Variants in LAMA2 observed in about 807,000 individuals in gnomAD.
The protein encoded by LAMA2 is laminin subunit alpha 2.
Under a neutral mutation model 364.8 loss-of-function variants are expected in LAMA2, and 269 were observed. That is an observed-to-expected ratio of 0.74 (90% CI 0.67 to 0.82). LAMA2 has a LOEUF of 0.82. Ranked by LOEUF, LAMA2 falls within the 40% of genes least tolerant of loss-of-function variation. LAMA2 has a pLI of 0.00. For synonymous variants in LAMA2, 1,379 were observed against 1,370.6 expected, an observed-to-expected ratio of 1.01 and a Z score of -0.14; for missense variants, 3,807 against 3,873.2, an observed-to-expected ratio of 0.98 and a Z score of 0.45.
At chr6:129,401,082 T>G in intron 37 of LAMA2, 142 bp from the exon 38 acceptor site, 4 of 738,708 alleles carry the variant, frequency 5.4e-6, no homozygotes, top group South Asian at 2.9e-5. Context: ...AAGTAGTTTA[T>G]ATTTTTCTCA....
chr6:129,263,596 G>A (rs1157893186), intron 15 of LAMA2, among the ~76,000 whole-genome samples: 1 of 152,068 alleles, frequency 6.6e-6, no homozygotes, highest in Non-Finnish European at 1.5e-5. Context: ...AGTGGGACAA[G>A]AAGTGATTGG....
At chr6:129,411,337 A>G (rs960624683) in intron 40 of LAMA2, among the ~76,000 whole-genome samples, 1 of 152,204 alleles carries the variant, frequency 6.6e-6, no homozygotes, top group Admixed American at 6.5e-5. Flanking sequence ...TATAAAATAC[A>G]GAATAAAGTG....
intron 1 of LAMA2, among the ~76,000 whole-genome samples, chr6:128,907,762 G>A (rs573514425): frequency 2.2e-4 from 34 of 152,204 alleles, no homozygotes; most frequent in East Asian, 1.5e-3. Context: ...TATGATATTC[G>A]CTGTGGGTTT....
chr6:129,460,672 T>A (rs1278156597), intron 49 of LAMA2, among the ~76,000 whole-genome samples: 1 of 151,042 alleles, frequency 6.6e-6, no homozygotes, highest in African/African-American at 2.4e-5. Context: ...ATTGTTATAA[T>A]TTTTTTTTCC....
At chr6:129,307,200 G>A (rs960078013) in intron 22 of LAMA2, among the ~76,000 whole-genome samples, 3 of 152,214 alleles carry the variant, frequency 2.0e-5, no homozygotes, top group Non-Finnish European at 4.4e-5. Context: ...CTACTAAGCT[G>A]TGAAACTTCT....
intron 9 of LAMA2, among the ~76,000 whole-genome samples, chr6:129,172,464 G>T (rs1229979753): frequency 6.6e-6 from 1 of 152,210 alleles, no homozygotes; most frequent in South Asian, 2.1e-4. Context: ...CCTGCTGGGG[G>T]GTGCCTCCCA....
chr6:128,977,748 ATTAAT>A (rs908910850), intron 1 of LAMA2, among the ~76,000 whole-genome samples: 1 of 152,194 alleles, frequency 6.6e-6, no homozygotes, highest in African/African-American at 2.4e-5. Flanking sequence ...ACTTCACAAA[ATTAAT>A]TTATTTTCAA....
At chr6:129,395,525 G>C (rs1032839260) in intron 37 of LAMA2, among the ~76,000 whole-genome samples, 1 of 152,122 alleles carries the variant, frequency 6.6e-6, no homozygotes, top group Non-Finnish European at 1.5e-5. Context: ...TGAGAATGGG[G>C]CCCAGAAATC....
At position 128,916,496 on chromosome 6, in the gene LAMA2, A is replaced by C. The variant is rs538755389; in HGVS notation, c.112+33139A>C. Among the ~76,000 whole-genome samples, 3 of 152,238 alleles carry C rather than the reference A, an allele frequency of 2.0e-5. No homozygotes were observed. In the South Asian group the frequency reaches 6.2e-4, roughly 32 times the overall value. ...TGGCTACTTCTGAAATGGAGTATGC[A>C]GTGCTCTTATAATTGGGCATTTCAG... On this transcript the variant is annotated intron_variant, in intron 1 of 64. Coordinates refer to ENST00000421865, the MANE Select transcript of LAMA2 (RefSeq NM_000426.4).
At chr6:129,153,849 A>G (rs919704266) in intron 7 of LAMA2, among the ~76,000 whole-genome samples, 1 of 152,138 alleles carries the variant, frequency 6.6e-6, no homozygotes, top group Non-Finnish European at 1.5e-5. Context: ...TATGGTAGTA[A>G]TTCATTACAG....
chr6:129,195,467 G>C (rs1276516446), intron 12 of LAMA2, among the ~76,000 whole-genome samples: 1 of 152,190 alleles, frequency 6.6e-6, no homozygotes, highest in Admixed American at 6.5e-5. Context: ...GTGATTATAA[G>C]TGTATGTGTG....
At position 129,366,205 on chromosome 6, in the gene LAMA2, C is replaced by T. The variant is rs1413917933; in HGVS notation, c.4718-14C>T. On this transcript the variant is annotated splice_polypyrimidine_tract_variant and intron_variant, in intron 32 of 64. Coordinates refer to ENST00000421865, the MANE Select transcript of LAMA2 (RefSeq NM_000426.4). ...TAGCAGAAGTAACTACTCTTTGTCACTTCTCTTTCACAGTTTGTGGAGATG... is the reference window on the plus strand; with the variant it reads ...TAGCAGAAGTAACTACTCTTTGTCATTTCTCTTTCACAGTTTGTGGAGATG... The T allele has an allele frequency of 6.2e-7, 1 of 1,612,956 alleles. No homozygotes were observed. Among genetic ancestry groups the T allele is most frequent in the Admixed American group, 1.7e-5 (1 of 59,818 alleles).
At chr6:129,230,920 C>G (rs1335072273) in intron 12 of LAMA2, among the ~76,000 whole-genome samples, 1 of 152,052 alleles carries the variant, frequency 6.6e-6, no homozygotes, top group Non-Finnish European at 1.5e-5. Flanking sequence ...GTAGCCAAGA[C>G]AAGTCTTTCT....
chr6:129,215,912 A>G (rs1046551017), intron 12 of LAMA2, among the ~76,000 whole-genome samples: 22 of 152,318 alleles, frequency 1.4e-4, no homozygotes, highest in African/African-American at 5.3e-4. Context: ...GGGAAGATGT[A>G]TTTGTCACTT....
chr6:129,369,966 C>T lies in LAMA2; in HGVS notation c.4935C>T (p.Thr1645=), dbSNP rs35579821. The T allele has an allele frequency of 1.4e-5, 22 of 1,613,772 alleles. No individual in the cohort carries two copies. The highest frequency in any genetic ancestry group is 8.9e-5 in the East Asian group (4 of 44,874). The change falls in exon 34 of 65, where the codon ACC becomes ACT. Residue 1645 remains threonine (T), a synonymous_variant. Transcript: ENST00000421865. Reference sequence around the variant, plus strand: ...AGGGCAATCTGAATACACTCGTGACCGAAATGAACGAGCTGCTGACCAGGG... The same window carrying T: ...AGGGCAATCTGAATACACTCGTGACTGAAATGAACGAGCTGCTGACCAGGG... ...LAEGNLNTLV[T]EMNELLTRAT... is the part of the protein sequence containing the mutation.
At chr6:129,425,480 A>G (rs1256865403) in intron 40 of LAMA2, among the ~76,000 whole-genome samples, 2 of 151,746 alleles carry the variant, frequency 1.3e-5, no homozygotes, top group Non-Finnish European at 2.9e-5. Context: ...CAGGTTTTTT[A>G]TATAGGTAAA....
chr6:129,363,255 GA>G (rs1777571328), intron 32 of LAMA2, among the ~76,000 whole-genome samples: 1 of 152,154 alleles, frequency 6.6e-6, no homozygotes, highest in African/African-American at 2.4e-5. Context: ...AGTGAGTCAT[GA>G]TCACACCACT....
At chr6:129,408,934 C>T (rs1780386473) in intron 40 of LAMA2, among the ~76,000 whole-genome samples, 1 of 152,196 alleles carries the variant, frequency 6.6e-6, no homozygotes, top group African/African-American at 2.4e-5. Context: ...ACATAGGATA[C>T]AAATATCTTC....
intron 1 of LAMA2, among the ~76,000 whole-genome samples, chr6:128,997,336 GAGAA>G (rs959399549): frequency 1.2e-5 from 1 of 82,956 alleles, no homozygotes; most frequent in African/African-American, 4.8e-5. Context: ...GAGAAAGAAA[GAGAA>G]AGAAAGAAAG....
Sources: gnomAD v4.1 joint callset for allele counts (sites outside exome capture counted in the v4.1 genomes callset) on GRCh38, gnomAD v4.1.1 for gene constraint, MANE v1.5 for transcripts, NCBI Gene and HGNC (gene_info 2026-07-23, HGNC 2026-07-21) for gene names.